PVT1: variants seen among roughly 807,000 people sequenced by gnomAD.
The protein encoded by PVT1 is Pvt1 oncogene.
chr8:127,812,308 G>A (rs926252693), intron 2 of PVT1, among the ~76,000 whole-genome samples: 1 of 144,800 alleles, frequency 6.9e-6, no homozygotes, highest in South Asian at 2.2e-4. Flanking sequence ...AAGGCTGGGC[G>A]TGGTAGCTCT....
chr8:127,871,401 C>T (rs114856962), intron 2 of PVT1, among the ~76,000 whole-genome samples: 1,931 of 152,214 alleles, frequency 0.013, 43 homozygotes, highest in African/African-American at 0.045. Context: ...TAGACATTAG[C>T]GAGGAGAGGG....
chr8:127,959,147 C>T (rs1168669591), intron 3 of PVT1, among the ~76,000 whole-genome samples: 1 of 152,174 alleles, frequency 6.6e-6, no homozygotes, highest in Admixed American at 6.5e-5. Flanking sequence ...GTGCTAGCCA[C>T]GTGAGTGCAT....
At chr8:127,841,367 A>G (rs528089851) in intron 2 of PVT1, among the ~76,000 whole-genome samples, 219 of 152,098 alleles carry the variant, frequency 1.4e-3, no homozygotes, top group African/African-American at 5.1e-3. Context: ...TTCACCTCCC[A>G]GGTTCAAGTG....
At chr8:127,893,528 T>A (rs1563632349) in intron 3 of PVT1, among the ~76,000 whole-genome samples, 1 of 152,224 alleles carries the variant, frequency 6.6e-6, no homozygotes, top group Non-Finnish European at 1.5e-5. Context: ...ATTACAAGCG[T>A]GACCCACCTT....
intron 4 of PVT1, among the ~76,000 whole-genome samples, chr8:128,017,551 C>G (rs1817387653): frequency 6.6e-6 from 1 of 151,970 alleles, no homozygotes; most frequent in Non-Finnish European, 1.5e-5. Context: ...CCCACCTCAG[C>G]CTCCCAAGCA....
intron 4 of PVT1, among the ~76,000 whole-genome samples, chr8:128,067,481 A>T (rs1179611805): frequency 1.3e-5 from 2 of 152,180 alleles, no homozygotes; most frequent in African/African-American, 4.8e-5. Context: ...AAAGGTCTAT[A>T]TTGGAGCAGC....
chr8:127,935,779 C>T (rs944436936), intron 3 of PVT1, among the ~76,000 whole-genome samples: 6 of 151,526 alleles, frequency 4.0e-5, no homozygotes, highest in South Asian at 2.1e-4. Context: ...GTTTCTCCTC[C>T]GTATGGAGCG....
chr8:127,926,729 C>A (rs1407405742), intron 3 of PVT1, among the ~76,000 whole-genome samples: 1 of 152,204 alleles, frequency 6.6e-6, no homozygotes, highest in African/African-American at 2.4e-5. Flanking sequence ...GGTGCCCACC[C>A]TCAGACACTA....
intron 5 of PVT1, among the ~76,000 whole-genome samples, chr8:128,083,278 G>A (rs571216745): frequency 6.6e-6 from 1 of 152,340 alleles, no homozygotes; most frequent in African/African-American, 2.4e-5. Context: ...ATCGCTTGGC[G>A]CATTGTAATT....
At chr8:127,951,389 G>A (rs1474042004) in intron 3 of PVT1, among the ~76,000 whole-genome samples, 2 of 152,202 alleles carry the variant, frequency 1.3e-5, no homozygotes, top group East Asian at 3.9e-4. Flanking sequence ...GAGCTCAGGG[G>A]TAGGGCCCTG....
chr8:127,828,890 T>G (rs1288283944), intron 2 of PVT1, among the ~76,000 whole-genome samples: 1 of 152,178 alleles, frequency 6.6e-6, no homozygotes, highest in Admixed American at 6.5e-5. Context: ...TAAAGATTTT[T>G]GGATCTTTTG....
chr8:128,071,943 G>A (rs939294075), intron 5 of PVT1, among the ~76,000 whole-genome samples: 3 of 151,962 alleles, frequency 2.0e-5, no homozygotes, highest in Non-Finnish European at 2.9e-5. Flanking sequence ...TTGTACCTTA[G>A]CTTTCTCATT....
chr8:127,807,672 ACACAGTT>A, intron 2 of PVT1, among the ~76,000 whole-genome samples: 1 of 152,358 alleles, frequency 6.6e-6, no homozygotes, highest in Admixed American at 6.5e-5. Flanking sequence ...CATATCACTT[ACACAGTT>A]TGAAAATATG....
chr8:127,846,439 G>A (rs1265282068), intron 2 of PVT1, among the ~76,000 whole-genome samples: 2 of 152,138 alleles, frequency 1.3e-5, no homozygotes, highest in African/African-American at 4.8e-5. Flanking sequence ...TTCCTTTCTA[G>A]AATGATCCTT....
intron 3 of PVT1, among the ~76,000 whole-genome samples, chr8:127,895,053 G>C (rs1815658401): frequency 6.6e-6 from 1 of 152,206 alleles, no homozygotes; most frequent in Admixed American, 6.5e-5. Flanking sequence ...AGCACCCAAA[G>C]TTTTTCAGTC....
At chr8:127,862,966 C>T (rs1380923061) in intron 2 of PVT1, among the ~76,000 whole-genome samples, 1 of 152,148 alleles carries the variant, frequency 6.6e-6, no homozygotes, top group Non-Finnish European at 1.5e-5. Flanking sequence ...GGATTCGACA[C>T]CTCCATTTCT....
At chr8:127,881,351 CAT>C (rs567649083) in intron 2 of PVT1, among the ~76,000 whole-genome samples, 437 of 151,254 alleles carry the variant, frequency 2.9e-3, no homozygotes, top group African/African-American at 0.01. Flanking sequence ...CCAGTGGACA[CAT>C]GTTTCTATTC....
At chr8:128,026,917 C>A (rs1293546347) in intron 4 of PVT1, among the ~76,000 whole-genome samples, 1 of 152,122 alleles carries the variant, frequency 6.6e-6, no homozygotes, top group Non-Finnish European at 1.5e-5. Flanking sequence ...GAATCTGGGA[C>A]CCTGACTCCC....
chr8:127,915,893 A>G (rs537809258), intron 3 of PVT1, among the ~76,000 whole-genome samples: 1 of 152,192 alleles, frequency 6.6e-6, no homozygotes, highest in Non-Finnish European at 1.5e-5. Flanking sequence ...GCTGTGTGCC[A>G]TGGGTACATC....
Sources: gnomAD v4.1 joint callset for allele counts (sites outside exome capture counted in the v4.1 genomes callset) on GRCh38, gnomAD v4.1.1 for gene constraint, MANE v1.5 for transcripts, NCBI Gene and HGNC (gene_info 2026-07-23, HGNC 2026-07-21) for gene names.